Variants in ROR2 observed in about 807,000 individuals in gnomAD.
ROR2 encodes the protein tyrosine-protein kinase transmembrane receptor ROR2.
A neutral mutation model predicts 74.9 loss-of-function variants in ROR2; 33 were observed. That is an observed-to-expected ratio of 0.44 (90% CI 0.33 to 0.59). The LOEUF is 0.59. Ranked by LOEUF, ROR2 falls within the 20% of genes least tolerant of loss-of-function variation. The probability of loss-of-function intolerance (pLI) is 0.02; values close to 1 mark genes in which losing one functional copy is unlikely to be tolerated. For synonymous variants in ROR2, 586 were observed against 558.7 expected (o/e 1.05, Z -0.69); for missense variants, 1,216 against 1,313.8 (o/e 0.93, Z 1.15).
rs143945596 is a variant in ROR2 at position 91,805,499 on chromosome 9, G to C, written c.98-29681C>G. ...TGAATAAGTCTCTACTTCTCAGCTAGAGCAGGAAGCCTAAACAGGCTGCTC... is the reference window on the plus strand; with the variant it reads ...TGAATAAGTCTCTACTTCTCAGCTACAGCAGGAAGCCTAAACAGGCTGCTC... On this transcript the variant is annotated intron_variant, in intron 1 of 8. Transcript: ENST00000375708. 1.9e-3 allele frequency among the ~76,000 whole-genome samples: 287 copies of C among 152,294 alleles called. 3 individuals are homozygous for C. The highest frequency in any genetic ancestry group is 6.2e-3 in the African/African-American group (256 of 41,566).
intron 2 of ROR2, among the ~76,000 whole-genome samples, chr9:91,773,221 C>CAA (rs34029415): frequency 6.6e-6 from 1 of 152,162 alleles, no homozygotes; most frequent in Non-Finnish European, 1.5e-5. Context: ...CAAAGGACTG[C>CAA]AATACATTTT....
intron 4 of ROR2, among the ~76,000 whole-genome samples, chr9:91,745,001 A>T (rs1825362566): frequency 2.0e-5 from 3 of 152,344 alleles, no homozygotes; most frequent in African/African-American, 7.2e-5. Context: ...GCTCGGGTGG[A>T]AACAAAACAA....
intron 2 of ROR2, among the ~76,000 whole-genome samples, chr9:91,763,022 G>A (rs191035680): frequency 1.7e-3 from 258 of 152,146 alleles, no homozygotes; most frequent in African/African-American, 5.6e-3. Context: ...TATCCTTTGC[G>A]CAACATGGAT....
intron 1 of ROR2, among the ~76,000 whole-genome samples, chr9:91,907,421 C>A (rs1830848521): frequency 6.6e-6 from 1 of 152,176 alleles, no homozygotes; most frequent in South Asian, 2.1e-4. Flanking sequence ...GTTCCTGGGG[C>A]AAGGGGATCT....
At chr9:91,844,034 C>CT (rs1828856207) in intron 1 of ROR2, among the ~76,000 whole-genome samples, 1 of 152,196 alleles carries the variant, frequency 6.6e-6, no homozygotes, top group Non-Finnish European at 1.5e-5. Context: ...CTTCTAAATG[C>CT]TTTTTCATCC....
At chr9:91,784,606 G>A (rs1826732249) in intron 1 of ROR2, among the ~76,000 whole-genome samples, 1 of 152,174 alleles carries the variant, frequency 6.6e-6, no homozygotes, top group Admixed American at 6.5e-5. Flanking sequence ...CTGTTAGTGG[G>A]TGTATATACC....
intron 1 of ROR2, among the ~76,000 whole-genome samples, chr9:91,788,304 A>G (rs544480249): frequency 1.3e-5 from 2 of 152,352 alleles, no homozygotes; most frequent in Admixed American, 1.3e-4. Flanking sequence ...TGAAGAAAAC[A>G]TAACTGAAAA....
chr9:91,838,660 G>A (rs1828685197), intron 1 of ROR2, among the ~76,000 whole-genome samples: 1 of 152,114 alleles, frequency 6.6e-6, no homozygotes, highest in South Asian at 2.1e-4. Flanking sequence ...CGGCCCCTTG[G>A]GAATAGAGAC....
At chr9:91,918,448 G>C (rs1223520047) in intron 1 of ROR2, among the ~76,000 whole-genome samples, 1 of 152,142 alleles carries the variant, frequency 6.6e-6, no homozygotes, top group Non-Finnish European at 1.5e-5. Context: ...GAAGGTGGAG[G>C]AAAAATCTCA....
At chr9:91,948,068 T>C (rs1245558292) in intron 1 of ROR2, among the ~76,000 whole-genome samples, 4 of 152,100 alleles carry the variant, frequency 2.6e-5, no homozygotes, top group Non-Finnish European at 5.9e-5. Context: ...AAGACATTTG[T>C]ACATTCACTG....
chr9:91,832,400 T>C (rs1410015805), intron 1 of ROR2, among the ~76,000 whole-genome samples: 1 of 135,880 alleles, frequency 7.4e-6, no homozygotes, highest in Non-Finnish European at 1.6e-5. Flanking sequence ...AAAAAGGCTG[T>C]GTCCCCTACC....
intron 1 of ROR2, among the ~76,000 whole-genome samples, chr9:91,902,136 G>A (rs148897933): frequency 5.9e-4 from 90 of 152,220 alleles, no homozygotes; most frequent in African/African-American, 1.9e-3. Flanking sequence ...CACAGATGAC[G>A]GCCTGATTCA....
At chr9:91,846,908 T>C (rs1828951061) in intron 1 of ROR2, among the ~76,000 whole-genome samples, 1 of 152,074 alleles carries the variant, frequency 6.6e-6, no homozygotes, top group Admixed American at 6.5e-5. Context: ...CTCCAGAAAT[T>C]ATCTGTCAAA....
rs893808328 is a variant in ROR2, at chr9:91,905,096, A to T, written c.97+44771T>A. On this transcript the variant is annotated intron_variant, in intron 1 of 8. Coordinates refer to ENST00000375708, the MANE Select transcript of ROR2 (RefSeq NM_004560.4). The surrounding 1 kb of genome is among the most constrained non-coding windows in gnomAD (Gnocchi z 5.3). ...ATATACCACACACAGCACATACACAAAACTCATACACCACAAACCACATAT... is the reference window on the plus strand; with the variant it reads ...ATATACCACACACAGCACATACACATAACTCATACACCACAAACCACATAT... Among the ~76,000 whole-genome samples the T allele has an allele frequency of 6.6e-6, 1 of 151,612 alleles. No individual in the cohort carries two copies. Among genetic ancestry groups the T allele is most frequent in the Non-Finnish European group, 1.5e-5 (1 of 67,884 alleles).
In ROR2 at chr9:91,766,432, C is replaced by T. The variant is rs751656611; in HGVS notation, c.176-8873G>A. On this transcript the variant is annotated intron_variant, in intron 2 of 8. Coordinates refer to ENST00000375708, the MANE Select transcript of ROR2 (RefSeq NM_004560.4). Reference sequence around the variant, plus strand: ...CACCTCCCTTGCACATTCATATAAGCATTTGCATCTTTTACTAGTATTTTA... The same window carrying T: ...CACCTCCCTTGCACATTCATATAAGTATTTGCATCTTTTACTAGTATTTTA... Among the ~76,000 whole-genome samples, 9 of 152,288 alleles carry T rather than the reference C, an allele frequency of 5.9e-5. No homozygotes were observed. The Middle Eastern group carries it at 0.01, about 173-fold the overall frequency.
At chr9:91,730,261 A>G (rs1478905147) in intron 7 of ROR2, among the ~76,000 whole-genome samples, 1 of 152,030 alleles carries the variant, frequency 6.6e-6, no homozygotes, top group East Asian at 1.9e-4. Context: ...TAATGGAGAA[A>G]CAAAATGTCA....
rs191829194 is a variant in ROR2 at position 91,862,468 on chromosome 9, G to A, written c.98-86650C>T. On this transcript the variant is annotated intron_variant, in intron 1 of 8. Transcript: ENST00000375708. The stretch of plus-strand genomic sequence containing the variant: ...AGGCCAAGAGTTCAGAAACAGCCTC[G>A]TCAACACACTGAGGCCCTGTCTCTA... Among the ~76,000 whole-genome samples the A allele has an allele frequency of 3.3e-3, 508 of 152,088 alleles. 1 individual carries two copies. Among genetic ancestry groups the A allele is most frequent in the Non-Finnish European group, 5.2e-3 (356 of 67,976 alleles).
rs541373880 is a variant in ROR2 at position 91,939,747 on chromosome 9, C to T, written c.97+10120G>A. On this transcript the variant is annotated intron_variant, in intron 1 of 8. Transcript: ENST00000375708. ...AGTAAACACACGGAAGTGAAAGTGCCTCCTCCCTCCTTTCTACGCATTAAT... is the reference window on the plus strand; with the variant it reads ...AGTAAACACACGGAAGTGAAAGTGCTTCCTCCCTCCTTTCTACGCATTAAT... Among the ~76,000 whole-genome samples the T allele has an allele frequency of 2.6e-5, 4 of 152,168 alleles. No homozygotes were observed. The East Asian group carries it at 7.8e-4, about 29-fold the overall frequency.
At chr9:91,930,879 G>A (rs1260179671) in intron 1 of ROR2, among the ~76,000 whole-genome samples, 2 of 152,190 alleles carry the variant, frequency 1.3e-5, no homozygotes, top group Non-Finnish European at 2.9e-5. Context: ...AAGAAGAATG[G>A]ATATGGCTGG....
Sources: gnomAD v4.1 joint callset for allele counts (sites outside exome capture counted in the v4.1 genomes callset) on GRCh38, gnomAD v4.1.1 for gene constraint, Gnocchi (gnomAD v3.1) non-coding constraint, MANE v1.5 for transcripts, NCBI Gene and HGNC (gene_info 2026-07-23, HGNC 2026-07-21) for gene names.